Variants in SLIT3 observed in about 807,000 individuals in gnomAD.
The protein encoded by SLIT3 is slit guidance ligand 3.
SLIT3 carries 68 observed loss-of-function variants against 184.0 expected under a neutral mutation model. The ratio of observed to expected loss-of-function variants is 0.37; its 90% CI spans 0.30 to 0.45. The LOEUF (loss-of-function observed/expected upper bound fraction) is 0.45, where lower values mean the gene tolerates loss of function less well. SLIT3 is among the 20% of genes least tolerant of loss of function. The pLI is 1.00. For synonymous variants in SLIT3, 831 were observed against 828.6 expected, an observed-to-expected ratio of 1.00 and a Z score of -0.05; for missense variants, 1,707 against 2,026.0, an observed-to-expected ratio of 0.84 and a Z score of 3.02.
intron 16 of SLIT3, among the ~76,000 whole-genome samples, chr5:168,757,542 T>C (rs981225575): frequency 2.6e-5 from 4 of 152,218 alleles, no homozygotes; most frequent in African/African-American, 9.6e-5. Context: ...CACGCCATTC[T>C]CCTGCTTCAG....
chr5:168,805,264 G>A (rs528979779), intron 9 of SLIT3, among the ~76,000 whole-genome samples: 71 of 152,110 alleles, frequency 4.7e-4, no homozygotes, highest in African/African-American at 1.4e-3. Context: ...AGGAGTCAAT[G>A]GTCATCAATT....
chr5:168,984,791 A>G (rs1041456788), intron 4 of SLIT3, among the ~76,000 whole-genome samples: 2 of 152,202 alleles, frequency 1.3e-5, no homozygotes, highest in African/African-American at 4.8e-5. Flanking sequence ...AAATGGATAC[A>G]TCACAGAAAA....
intron 4 of SLIT3, among the ~76,000 whole-genome samples, chr5:169,125,887 G>T (rs1239641632): frequency 1.3e-5 from 2 of 152,162 alleles, no homozygotes; most frequent in African/African-American, 4.8e-5. Context: ...CTTTCCTCAG[G>T]TAGAGACGAA....
chr5:169,090,533 G>A (rs1430027991), intron 4 of SLIT3, among the ~76,000 whole-genome samples: 2 of 152,216 alleles, frequency 1.3e-5, no homozygotes, highest in South Asian at 2.1e-4. Context: ...CCTCAGGCTG[G>A]AATAGGGGCC....
intron 3 of SLIT3, among the ~76,000 whole-genome samples, chr5:169,206,287 T>C (rs10079109): frequency 0.069 from 10,468 of 152,192 alleles, 452 homozygotes; most frequent in South Asian, 0.13. Flanking sequence ...GCTATTAGGA[T>C]TTTTTCCCCT....
chr5:168,968,179 GGCTAAGGCAACT>G (rs1763279600), intron 4 of SLIT3, among the ~76,000 whole-genome samples: 1 of 152,010 alleles, frequency 6.6e-6, no homozygotes, highest in African/African-American at 2.4e-5. Context: ...GGGTCAGCAA[GGCTAAGGCAACT>G]GCTCAGCACC....
chr5:169,025,162 G>C (rs1756766337), intron 4 of SLIT3, among the ~76,000 whole-genome samples: 1 of 152,154 alleles, frequency 6.6e-6, no homozygotes, highest in African/African-American at 2.4e-5. Context: ...TATGGTTCTG[G>C]AGTCAGCTGC....
chr5:169,145,360 G>A (rs540474326), intron 4 of SLIT3, among the ~76,000 whole-genome samples: 5 of 152,252 alleles, frequency 3.3e-5, no homozygotes, highest in South Asian at 2.1e-4. Context: ...ATTGCAGGGC[G>A]TGTCAGTTTC....
intron 26 of SLIT3, among the ~76,000 whole-genome samples, chr5:168,705,978 A>C (rs1762361872): frequency 6.6e-6 from 1 of 152,250 alleles, no homozygotes; most frequent in Non-Finnish European, 1.5e-5. Context: ...CCTGGCCTTT[A>C]TTGATGATTC....
rs1767645312 is a variant in SLIT3 at position 169,300,421 on chromosome 5, G to C, written c.197+92C>G. The C allele has an allele frequency of 2.2e-6, 3 of 1,357,618 alleles. No individual in the cohort carries two copies. Among genetic ancestry groups the C allele is most frequent in the Non-Finnish European group, 2.8e-6 (3 of 1,056,004 alleles). The allele number at this position is 1,357,618 out of a possible 1,614,324, so 84.1% of individuals were successfully genotyped here. A position where few individuals can be genotyped will look rare whatever the true frequency, so the allele number is the denominator to read the frequency against. On this transcript the variant is annotated intron_variant, in intron 1 of 35. Coordinates refer to ENST00000519560, the MANE Select transcript of SLIT3 (RefSeq NM_003062.4). The surrounding 1 kb of genome is among the most constrained non-coding windows in gnomAD (Gnocchi z 4.1). ...GATGAGAATAGAGACTGCATCCAGG[G>C]AGGCCGAGGGGAAAGGACGGATCTG...
intron 1 of SLIT3, among the ~76,000 whole-genome samples, chr5:169,279,431 GT>G (rs1766924303): frequency 1.3e-5 from 2 of 152,146 alleles, no homozygotes; most frequent in Non-Finnish European, 2.9e-5. Flanking sequence ...GAAACCTGAG[GT>G]TCTGAGTTAG....
At chr5:168,830,993 C>T (rs1413858425) in intron 6 of SLIT3, among the ~76,000 whole-genome samples, 2 of 152,042 alleles carry the variant, frequency 1.3e-5, no homozygotes, top group Admixed American at 1.3e-4. Context: ...CAGCACTAGA[C>T]AGCCCTCCTC....
intron 1 of SLIT3, among the ~76,000 whole-genome samples, chr5:169,268,312 G>A (rs1182710822): frequency 6.6e-6 from 1 of 152,156 alleles, no homozygotes; most frequent in African/African-American, 2.4e-5. Context: ...GGAATTTGCC[G>A]AGTGACACGC....
chr5:169,040,325 G>A (rs1581341488), intron 4 of SLIT3, among the ~76,000 whole-genome samples: 1 of 152,292 alleles, frequency 6.6e-6, no homozygotes, highest in East Asian at 1.9e-4. Flanking sequence ...ATCCCACAGA[G>A]AGGAGGCTAA....
intron 4 of SLIT3, among the ~76,000 whole-genome samples, chr5:168,954,983 T>C (rs1366798240): frequency 6.6e-6 from 1 of 152,106 alleles, no homozygotes; most frequent in East Asian, 1.9e-4. Flanking sequence ...TTCCTTGACC[T>C]TTTCTTCCAG....
chr5:169,055,205 C>G (rs1476561591), intron 4 of SLIT3, among the ~76,000 whole-genome samples: 1 of 152,144 alleles, frequency 6.6e-6, no homozygotes, highest in Non-Finnish European at 1.5e-5. Flanking sequence ...AAGTGACCCT[C>G]TAGGTACCAT....
chr5:168,990,436 C>T (rs768459127), intron 4 of SLIT3, among the ~76,000 whole-genome samples: 32 of 152,190 alleles, frequency 2.1e-4, no homozygotes, highest in Non-Finnish European at 3.5e-4. Flanking sequence ...TTTCACATGG[C>T]GGGCTTCACC....
chr5:169,077,192 C>T (rs1229776078), intron 4 of SLIT3, among the ~76,000 whole-genome samples: 1 of 152,158 alleles, frequency 6.6e-6, no homozygotes, highest in Non-Finnish European at 1.5e-5. Context: ...AGTATATTTT[C>T]TCTTCCTTGT....
At chr5:169,236,308 A>C (rs1415677147) in intron 3 of SLIT3, among the ~76,000 whole-genome samples, 2 of 152,156 alleles carry the variant, frequency 1.3e-5, no homozygotes, top group African/African-American at 4.8e-5. Flanking sequence ...TTATGGCACA[A>C]CAACATGCCT....
Sources: gnomAD v4.1 joint callset for allele counts (sites outside exome capture counted in the v4.1 genomes callset) on GRCh38, gnomAD v4.1.1 for gene constraint, Gnocchi (gnomAD v3.1) non-coding constraint, MANE v1.5 for transcripts, NCBI Gene and HGNC (gene_info 2026-07-23, HGNC 2026-07-21) for gene names.